The following IMMP2L variants were observed in gnomAD, a reference collection of about 807,000 sequenced individuals.
The protein encoded by IMMP2L is mitochondrial inner membrane protease subunit 2.
IMMP2L carries 18 observed loss-of-function variants against 19.3 expected under a neutral mutation model. The ratio of observed to expected loss-of-function variants is 0.93; its 90% CI spans 0.64 to 1.38. The LOEUF is 1.38. IMMP2L is among the 40% of genes most tolerant of loss of function. The pLI is 0.00. For synonymous variants in IMMP2L, 76 were observed against 73.0 expected (o/e 1.04, Z -0.21); for missense variants, 233 against 218.2 (o/e 1.07, Z -0.43).
chr7:111,088,832 A>G lies in IMMP2L; in HGVS notation c.240-125267T>C, dbSNP rs1171328394. 2.6e-5 allele frequency among the ~76,000 whole-genome samples: 4 copies of G among 152,242 alleles called. No homozygotes were observed. In the South Asian group the frequency reaches 6.2e-4, roughly 24 times the overall value. Reference sequence around the variant, plus strand: ...AGGACTGAACGCCCTGATAAGTGAAAAAACACCCAAAACACACACTGATTC... The same window carrying G: ...AGGACTGAACGCCCTGATAAGTGAAGAAACACCCAAAACACACACTGATTC... On this transcript the variant is annotated intron_variant, in intron 3 of 5. Transcript: ENST00000405709.
chr7:111,407,655 A>G (rs1460140738), intron 3 of IMMP2L, among the ~76,000 whole-genome samples: 1 of 152,004 alleles, frequency 6.6e-6, no homozygotes, highest in Non-Finnish European at 1.5e-5. Flanking sequence ...TAGGGGTAAG[A>G]AATAACAGTA....
At chr7:111,082,411 T>G (rs1355444697) in intron 3 of IMMP2L, among the ~76,000 whole-genome samples, 1 of 152,206 alleles carries the variant, frequency 6.6e-6, no homozygotes, top group Admixed American at 6.5e-5. Context: ...TCATGGAATG[T>G]TATTACAGTA....
intron 5 of IMMP2L, among the ~76,000 whole-genome samples, chr7:110,819,475 G>T (rs1202079573): frequency 2.0e-5 from 3 of 152,006 alleles, no homozygotes; most frequent in Admixed American, 1.3e-4. Flanking sequence ...TTAAAATAGG[G>T]TATGGATAAT....
chr7:111,179,859 TAC>T (rs1807509527), intron 3 of IMMP2L, among the ~76,000 whole-genome samples: 1 of 152,098 alleles, frequency 6.6e-6, no homozygotes, highest in Non-Finnish European at 1.5e-5. Context: ...TGCTTTACCT[TAC>T]ACTTTTATGT....
At chr7:110,887,440 T>C (rs2129545637) in intron 4 of IMMP2L, among the ~76,000 whole-genome samples, 1 of 152,232 alleles carries the variant, frequency 6.6e-6, no homozygotes, top group Admixed American at 6.5e-5. Context: ...ACTTCCATTT[T>C]AGGCCAATTT....
At chr7:111,158,483 G>A (rs191827867) in intron 3 of IMMP2L, among the ~76,000 whole-genome samples, 39 of 152,166 alleles carry the variant, frequency 2.6e-4, no homozygotes, top group South Asian at 8.3e-4. Context: ...GTAATGATGT[G>A]CTCTTACAAT....
rs533510828 is a variant in IMMP2L, at chr7:111,308,492, G to A, written c.239+178746C>T. ...ATCTTAATGTAATATGCTTTGAGTCGGCCTTTATTTCTATGTATGGAGAAC... is the reference window on the plus strand; with the variant it reads ...ATCTTAATGTAATATGCTTTGAGTCAGCCTTTATTTCTATGTATGGAGAAC... On this transcript the variant is annotated intron_variant, in intron 3 of 5. Coordinates refer to ENST00000405709, the MANE Select transcript of IMMP2L (RefSeq NM_032549.4). 8.4e-4 allele frequency among the ~76,000 whole-genome samples: 128 copies of A among 151,806 alleles called. 2 individuals carry two copies. The highest frequency in any genetic ancestry group is 2.5e-3 in the African/African-American group (103 of 41,478).
chr7:110,755,271 A>G (rs1290352041), intron 5 of IMMP2L, among the ~76,000 whole-genome samples: 1 of 152,084 alleles, frequency 6.6e-6, no homozygotes, highest in Non-Finnish European at 1.5e-5. Context: ...AACAATTACA[A>G]ACTACTACTT....
At chr7:111,029,417 A>T (rs190111898) in intron 3 of IMMP2L, among the ~76,000 whole-genome samples, 2 of 152,200 alleles carry the variant, frequency 1.3e-5, no homozygotes, top group African/African-American at 4.8e-5. Context: ...TGGAAACATA[A>T]AAAGGTCAAG....
intron 3 of IMMP2L, among the ~76,000 whole-genome samples, chr7:111,479,926 G>T (rs1456631158): frequency 6.6e-6 from 1 of 151,910 alleles, no homozygotes; most frequent in Non-Finnish European, 1.5e-5. Flanking sequence ...CAAAATCTCG[G>T]TAATTCAAAA....
At chr7:111,205,552 T>C (rs1810607895) in intron 3 of IMMP2L, among the ~76,000 whole-genome samples, 1 of 152,078 alleles carries the variant, frequency 6.6e-6, no homozygotes, top group Non-Finnish European at 1.5e-5. Flanking sequence ...TATATATTTT[T>C]CTCCCTCCTT....
At chr7:111,045,032 A>G (rs1430407319) in intron 3 of IMMP2L, among the ~76,000 whole-genome samples, 4 of 152,224 alleles carry the variant, frequency 2.6e-5, no homozygotes, top group Non-Finnish European at 2.9e-5. Context: ...TAAAGAGATA[A>G]TAATTAATAT....
intron 5 of IMMP2L, among the ~76,000 whole-genome samples, chr7:110,835,376 C>CTTTTTATAGACTCTGAAAT (rs899110723): frequency 9.9e-5 from 15 of 152,158 alleles, no homozygotes; most frequent in Admixed American, 3.3e-4. Flanking sequence ...TATGGCAGTG[C>CTTTTTATAGACTCTGAAAT]TTTTTATAGA....
intron 5 of IMMP2L, among the ~76,000 whole-genome samples, chr7:110,882,387 CTCTT>C (rs929338832): frequency 4.1e-5 from 6 of 148,064 alleles, no homozygotes; most frequent in Admixed American, 1.4e-4. Flanking sequence ...CTCTCTCTCT[CTCTT>C]TCTTTCTTGA....
intron 5 of IMMP2L, among the ~76,000 whole-genome samples, chr7:110,777,030 T>C (rs1393334542): frequency 1.3e-5 from 2 of 152,168 alleles, no homozygotes; most frequent in African/African-American, 4.8e-5. Flanking sequence ...TATGTGTGGC[T>C]ATGAATTTGA....
chr7:110,779,253 T>C (rs1481345755), intron 5 of IMMP2L, among the ~76,000 whole-genome samples: 2 of 133,514 alleles, frequency 1.5e-5, no homozygotes, highest in Non-Finnish European at 3.3e-5. Flanking sequence ...CTACTAGTTA[T>C]TCTTATAGCT....
chr7:111,473,010 A>C (rs1398341129), intron 3 of IMMP2L, among the ~76,000 whole-genome samples: 2 of 152,200 alleles, frequency 1.3e-5, no homozygotes, highest in Non-Finnish European at 2.9e-5. Context: ...TATTTGATTA[A>C]GCAACATGCT....
intron 1 of IMMP2L, among the ~76,000 whole-genome samples, chr7:111,522,926 C>CATATATATATATATATGTATATAT (rs148789480): frequency 1.5e-5 from 2 of 134,868 alleles, no homozygotes; most frequent in African/African-American, 3.2e-5. Flanking sequence ...ATGTGAGATA[C>CATATATATATATATATGTATATAT]ATATATATAT....
At chr7:111,266,054 AC>A (rs1371504952) in intron 3 of IMMP2L, among the ~76,000 whole-genome samples, 1 of 152,106 alleles carries the variant, frequency 6.6e-6, no homozygotes, top group African/African-American at 2.4e-5. Flanking sequence ...AACCTAACAT[AC>A]TTTAAACATG....
Sources: allele counts gnomAD v4.1 joint callset (sites outside exome capture counted in the v4.1 genomes callset), GRCh38; gene constraint gnomAD v4.1.1; transcripts MANE v1.5; gene names NCBI Gene and HGNC (gene_info 2026-07-23, HGNC 2026-07-21).